Variants in SACS observed in about 807,000 individuals in gnomAD.
SACS encodes sacsin.
Under a neutral mutation model 348.0 loss-of-function variants are expected in SACS, and 197 were observed. The observed-to-expected ratio is 0.57, with a 90% CI of 0.50 to 0.64. The LOEUF is 0.64. Among genes scored for constraint, SACS ranks in the 30% least tolerant of loss-of-function variants. SACS has a pLI of 0.00. For missense variants in SACS, 4,999 were observed against 5,360.8 expected (o/e 0.93, Z 2.11); for synonymous variants, 1,985 against 1,910.6 (o/e 1.04, Z -1.02).
chr13:23,392,420 G>A (rs1386529197), intron 2 of SACS, among the ~76,000 whole-genome samples: 1 of 152,208 alleles, frequency 6.6e-6, no homozygotes. Context: ...TAGAACGCCT[G>A]TGAAATGACA....
At chr13:23,398,767 A>G (rs958453126) in intron 2 of SACS, among the ~76,000 whole-genome samples, 5 of 152,042 alleles carry the variant, frequency 3.3e-5, no homozygotes, top group African/African-American at 9.7e-5. Flanking sequence ...AAGCTCTTAG[A>G]TAACAGACTT....
At chr13:23,346,862 TAGAAG>T in intron 9 of SACS, 3 of 968,844 alleles carry the variant, frequency 3.1e-6, no homozygotes, top group Non-Finnish European at 3.7e-6. Context: ...AATCCATTCT[TAGAAG>T]AGGTCAGAAT....
chr13:23,411,093 G>T, intron 2 of SACS, 127 bp downstream of exon 2: 1 of 764,334 alleles, frequency 1.3e-6, no homozygotes, highest in Non-Finnish European at 2.3e-6. Flanking sequence ...CTGAGATATG[G>T]ATGGTTAGTT....
At chr13:23,401,202 C>T (rs1051110726) in intron 2 of SACS, among the ~76,000 whole-genome samples, 1 of 152,142 alleles carries the variant, frequency 6.6e-6, no homozygotes, top group African/African-American at 2.4e-5. Context: ...CCCAAAATCG[C>T]TCAGGAAAAC....
At chr13:23,351,224 A>G (rs1364210127) in intron 9 of SACS, among the ~76,000 whole-genome samples, 4 of 152,224 alleles carry the variant, frequency 2.6e-5, no homozygotes, top group Non-Finnish European at 4.4e-5. Flanking sequence ...CAATAAAGTT[A>G]TATCAAAAAC....
At chr13:23,369,323 C>G (rs1021234854) in intron 4 of SACS, among the ~76,000 whole-genome samples, 1 of 152,092 alleles carries the variant, frequency 6.6e-6, no homozygotes, top group Admixed American at 6.6e-5. Flanking sequence ...ACCAACTGAC[C>G]AGGTCACCTT....
Position 23,335,263 on chromosome 13 carries a change from C to T in SACS, c.8613G>A (p.Leu2871=). 4 of 1,613,788 alleles carry T rather than the reference C, an allele frequency of 2.5e-6. No individual in the cohort carries two copies. Among genetic ancestry groups the T allele is most frequent in the Non-Finnish European group, 1.7e-6 (2 of 1,179,844 alleles). The part of the protein sequence containing the change: ...YKKPHRAFCF[L]PLSLETGLPF... ...GCAGCCCAGTCTCCAAAGAAAGAGGCAAAAAACAGAAGGCCCTATGGGGTT... is the reference window on the plus strand; with the variant it reads ...GCAGCCCAGTCTCCAAAGAAAGAGGTAAAAAACAGAAGGCCCTATGGGGTT... The change falls in exon 10 of 10, where the codon TTG becomes TTA. Residue 2871 remains leucine, a synonymous_variant. Coordinates refer to ENST00000382292, the MANE Select transcript of SACS (RefSeq NM_014363.6). This position sits in a 1 kb window ranked among gnomAD's most constrained non-coding sequence, Gnocchi z 4.7.
At chr13:23,378,717 C>T (rs1300999785) in intron 2 of SACS, among the ~76,000 whole-genome samples, 1 of 152,146 alleles carries the variant, frequency 6.6e-6, no homozygotes, top group East Asian at 1.9e-4. Flanking sequence ...GCTAGAATTA[C>T]AGGGGTGAGC....
At chr13:23,342,373 C>A (rs1474491855) in intron 9 of SACS, among the ~76,000 whole-genome samples, 1 of 151,994 alleles carries the variant, frequency 6.6e-6, no homozygotes, top group African/African-American at 2.4e-5. Flanking sequence ...AGGAAAAATG[C>A]AGATAAAATT....
chr13:23,368,787 C>G (rs906549973), intron 4 of SACS, among the ~76,000 whole-genome samples: 10 of 152,182 alleles, frequency 6.6e-5, no homozygotes, highest in Non-Finnish European at 1.5e-4. Context: ...CAAGCTCCAC[C>G]TCCTGGGTTC....
intron 5 of SACS, among the ~76,000 whole-genome samples, chr13:23,366,386 G>C (rs1238751104): frequency 6.6e-6 from 1 of 152,114 alleles, no homozygotes; most frequent in Non-Finnish European, 1.5e-5. Flanking sequence ...GCTAAGTCGT[G>C]CCTCCTGCAG....
At chr13:23,432,363 G>A (rs1874464393) in intron 1 of SACS, among the ~76,000 whole-genome samples, 1 of 152,122 alleles carries the variant, frequency 6.6e-6, no homozygotes, top group Non-Finnish European at 1.5e-5. Context: ...GACTGAAGGA[G>A]TCTTTAAGAT....
chr13:23,357,888 T>A (rs1162609831), intron 7 of SACS, among the ~76,000 whole-genome samples: 1 of 152,130 alleles, frequency 6.6e-6, no homozygotes, highest in African/African-American at 2.4e-5. Flanking sequence ...CCTCAAAGAT[T>A]TTCACTTTCT....
At position 23,338,635 on chromosome 13, in the gene SACS, T is replaced by C. The variant is rs2137620327; in HGVS notation, c.5241A>G (p.Lys1747=). 3.7e-6 allele frequency: 6 copies of C among 1,614,186 alleles called. No homozygotes were observed. The South Asian group carries it at 6.6e-5, about 18-fold the overall frequency. The stretch of plus-strand genomic sequence containing the variant: ...ACTTTGGTTCATCACTGGGAAGCTT[T>C]TTATTACTGCTGCTGCAAGTCTTCA... ...KLMKTCSSSN[K]KLPSDEPKSS... Residue 1747 remains lysine (K), a synonymous_variant, in exon 10 of 10, where the codon AAA becomes AAG. Coordinates refer to ENST00000382292, the MANE Select transcript of SACS (RefSeq NM_014363.6).
rs770540338 is a variant in SACS at position 23,336,197 on chromosome 13, T to C, written c.7679A>G (p.Glu2560Gly). 26 of 1,613,978 alleles carry C rather than the reference T, an allele frequency of 1.6e-5. No homozygotes were observed. Among genetic ancestry groups the C allele is most frequent in the Admixed American group, 1.3e-4 (8 of 59,998 alleles). ...LQNADDAKAT[E>G]ICFVFDPRQH... ...TCTAGGATCAAACACAAAACAGATT[T>C]CTGTCGCCTTTGCATCATCAGCATT... Residue 2560 changes from glutamate (E) to glycine (G), a missense_variant, in exon 10 of 10, where the codon GAA becomes GGA. Physicochemically the swap from Glu to Gly is moderately conservative, Grantham distance 98. Around this residue, in one of 6 missense-constraint regions of SACS, gnomAD observed 3,156 missense variants for 3,380.1 expected, o/e 0.93. Coordinates refer to ENST00000382292, the MANE Select transcript of SACS (RefSeq NM_014363.6).
At position 23,334,552 on chromosome 13, in the gene SACS, A is replaced by G. The variant is rs748663426; in HGVS notation, c.9324T>C (p.Pro3108=). Residue 3108 remains proline, a synonymous_variant, in exon 10 of 10, where the codon CCT becomes CCC. Transcript: ENST00000382292. ...IRSFLMTFSS[P]DTNCHIGKLP... is the part of the protein sequence containing the mutation. ...GCTTCCCAATATGGCAATTAGTGTC[A>G]GGAGAGGAAAATGTCATTAAAAAAG... is the stretch of plus-strand genomic sequence containing the variant. 3.7e-6 allele frequency: 6 copies of G among 1,613,568 alleles called. No homozygotes were observed. In the East Asian group the frequency reaches 1.1e-4, roughly 30 times the overall value.
Position 23,339,430 on chromosome 13 carries a change from A to T in SACS, c.4446T>A (p.Leu1482=). ...PSVSDIFKEL[L]QNADDANATE... is the part of the protein sequence containing the mutation. ...TTGCATTTGCATCATCAGCGTTTTG[A>T]AGTAGTTCTTTAAAAATATCTGACA... The change falls in exon 10 of 10, where the codon CTT becomes CTA. Residue 1482 remains leucine, a synonymous_variant. Coordinates refer to ENST00000382292, the MANE Select transcript of SACS (RefSeq NM_014363.6). 6.2e-7 allele frequency: 1 copy of T among 1,606,238 alleles called. No homozygotes were observed.
chr13:23,342,471 GA>G (rs1463428260), intron 9 of SACS, among the ~76,000 whole-genome samples: 1 of 152,166 alleles, frequency 6.6e-6, no homozygotes, highest in East Asian at 1.9e-4. Flanking sequence ...CTTGTGACCA[GA>G]AGTGTTTTGC....
rs187858906 is a variant in SACS, at chr13:23,363,446, C to T, written c.457+1720G>A. 2.2e-3 allele frequency among the ~76,000 whole-genome samples: 305 copies of T among 140,836 alleles called. 1 individual carries two copies. Among genetic ancestry groups the T allele is most frequent in the African/African-American group, 5.2e-3 (212 of 40,578 alleles). 92.4% of individuals were successfully genotyped at this position (140,836 alleles called of 152,430 possible). A position where few individuals can be genotyped will look rare whatever the true frequency, so the allele number is the denominator to read the frequency against. On this transcript the variant is annotated intron_variant, in intron 6 of 9. Coordinates refer to ENST00000382292, the MANE Select transcript of SACS (RefSeq NM_014363.6). ...TTCAACATGTTGGCCAGGCTGGTCT[C>T]GAATTCCTGACCTCAGGTGATCTGC... is the stretch of plus-strand genomic sequence containing the variant.
Sources: gnomAD v4.1 joint callset for allele counts (sites outside exome capture counted in the v4.1 genomes callset) on GRCh38, gnomAD v4.1.1 for gene constraint, gnomAD v4.1.1 regional missense constraint, Gnocchi (gnomAD v3.1) non-coding constraint, MANE v1.5 for transcripts, NCBI Gene and HGNC (gene_info 2026-07-23, HGNC 2026-07-21) for gene names.